Variants in DAZL observed in about 807,000 individuals in gnomAD.
DAZL encodes deleted in azoospermia-like.
A neutral mutation model predicts 45.0 loss-of-function variants in DAZL; 4 were observed. The ratio of observed to expected loss-of-function variants is 0.09; its 90% CI spans 0.04 to 0.20. DAZL has a LOEUF of 0.20. DAZL is among the 10% of genes least tolerant of loss of function. The probability of loss-of-function intolerance (pLI) is 1.00; values close to 1 mark genes in which losing one functional copy is unlikely to be tolerated. For missense variants in DAZL, 326 were observed against 351.3 expected (o/e 0.93, Z 0.58); for synonymous variants, 122 against 112.4 (o/e 1.09, Z -0.54).
intron 10 of DAZL, among the ~76,000 whole-genome samples, chr3:16,591,296 C>T (rs1057382064): frequency 2.0e-5 from 3 of 152,114 alleles, no homozygotes; most frequent in Admixed American, 6.6e-5. Flanking sequence ...ACTTTACCAA[C>T]TCTGTCTGAA....
chr3:16,592,007 A>G, intron 10 of DAZL, 43 bp downstream of exon 10: 2 of 1,579,780 alleles, frequency 1.3e-6, no homozygotes, highest in Non-Finnish European at 1.7e-6. Context: ...CTTTAAAGCT[A>G]ACAAGTGTGC....
chr3:16,601,866 T>C (rs1694694688), intron 1 of DAZL, among the ~76,000 whole-genome samples: 1 of 152,160 alleles, frequency 6.6e-6, no homozygotes, highest in African/African-American at 2.4e-5. Context: ...AGCTAAAAGC[T>C]GGAAAAAATT....
intron 4 of DAZL, among the ~76,000 whole-genome samples, chr3:16,597,277 C>T (rs1049881626): frequency 6.6e-6 from 1 of 152,126 alleles, no homozygotes; most frequent in African/African-American, 2.4e-5. Context: ...TTACCCTGCC[C>T]TGTCTCCAAC....
chr3:16,605,244 G>A lies in DAZL; in HGVS notation c.-39C>T, dbSNP rs200429582. ...AGCAGTTCCCGACCGGCTCCAGGAG[G>A]AGCAGAGGCTGTGCTTGGCGCACCA... On this transcript the variant is annotated 5_prime_UTR_variant, in exon 1 of 11. Transcript: ENST00000399444. 3.1e-6 allele frequency: 5 copies of A among 1,614,014 alleles called. No homozygotes were observed. Among genetic ancestry groups the A allele is most frequent in the African/African-American group, 1.3e-5 (1 of 75,066 alleles).
At chr3:16,596,720 A>G (rs1694605538) in intron 6 of DAZL, 30 bp downstream of exon 6, 1 of 1,611,484 alleles carries the variant, frequency 6.2e-7, no homozygotes, top group African/African-American at 1.3e-5. Flanking sequence ...TACAATAAAC[A>G]AGAGAATAGG....
Position 16,587,453 on chromosome 3 carries a change from T to G in DAZL, c.*1207A>C, listed in dbSNP as rs529440915. On this transcript the variant is annotated 3_prime_UTR_variant, in exon 11 of 11. Transcript: ENST00000399444. ...TGCTCTGCTCATACAGCTACTTTCA[T>G]TCTTTATATCACCAGTTCTAGGAGC... 3 of 152,750 alleles carry G rather than the reference T, an allele frequency of 2.0e-5. No homozygotes were observed. In the East Asian group the frequency reaches 5.8e-4, roughly 29 times the overall value. 9.5% of individuals were successfully genotyped at this position (152,750 alleles called of 1,614,324 possible).
In DAZL at chr3:16,596,873, C is replaced by A. The variant is rs1694608286; in HGVS notation, c.375G>T (p.Gln125His). 6.2e-7 allele frequency: 1 copy of A among 1,613,712 alleles called. No homozygotes were observed. Among genetic ancestry groups the A allele is most frequent in the Admixed American group, 1.7e-5 (1 of 59,986 alleles). Residue 125 changes from glutamine to histidine, a missense_variant, in exon 6 of 11, where the codon CAG becomes CAT. Coordinates refer to ENST00000399444, the MANE Select transcript of DAZL (RefSeq NM_001351.4). ...GATGATTAAAAACCAAAGGACGTGGCTGCACATGATAAGCACCTTTTTGAA... is the reference window on the plus strand; with the variant it reads ...GATGATTAAAAACCAAAGGACGTGGATGCACATGATAAGCACCTTTTTGAA... ...RKQNLCAYHVQPRPLVFNHPP... is the reference protein window; with the variant it reads ...RKQNLCAYHVHPRPLVFNHPP...
rs1694579962 is a variant in DAZL, at chr3:16,595,235, C to A, written c.570+79G>T. 29 of 813,232 alleles carry A rather than the reference C, an allele frequency of 3.6e-5. No individual in the cohort carries two copies. The South Asian group carries it at 5.2e-4, about 15-fold the overall frequency. The allele number at this position is 813,232 out of a possible 1,614,324, so 50.4% of individuals were successfully genotyped here. ...ATTTCACTAGTTTAAAATGACAAAC[C>A]ATTCAGACAATTTGTATAAACAAGT... On this transcript the variant is annotated intron_variant, in intron 7 of 10. Coordinates refer to ENST00000399444, the MANE Select transcript of DAZL (RefSeq NM_001351.4).
chr3:16,594,516 T>A lies in DAZL; in HGVS notation c.621+17A>T, dbSNP rs368393128. The A allele has an allele frequency of 1.9e-6, 3 of 1,569,908 alleles. No homozygotes were observed. The African/African-American group carries it at 4.1e-5, about 21-fold the overall frequency. ...TTTAAAATAACAGGAATTATATGTT[T>A]GGCTAATTCACTTTACCGGAGGTAC... On this transcript the variant is annotated intron_variant, in intron 8 of 10. Coordinates refer to ENST00000399444, the MANE Select transcript of DAZL (RefSeq NM_001351.4).
rs763139712 is a variant in DAZL at position 16,596,812 on chromosome 3, G to A, written c.436C>T (p.Pro146Ser). The A allele has an allele frequency of 1.2e-6, 2 of 1,613,722 alleles. No homozygotes were observed. The highest frequency in any genetic ancestry group is 1.7e-6 in the Non-Finnish European group (2 of 1,179,668). ...GGCTGCATATAAGTTTCAGTGTTTG[G>A]ATTAGTCCAGACATTCTGAAACTGT... ...PPQFQNVWTN[P>S]NTETYMQPTT... Residue 146 changes from proline (P) to serine (S), a missense_variant, in exon 6 of 11, where the codon CCA becomes TCA. Transcript: ENST00000399444.
In DAZL at chr3:16,597,386, AG is replaced by A. The variant is rs1202618717; in HGVS notation, c.294+103del. The A allele has an allele frequency of 1.1e-5, 10 of 881,610 alleles. No individual in the cohort carries two copies. In the African/African-American group the frequency reaches 1.5e-4, roughly 13 times the overall value. The allele number at this position is 881,610 out of a possible 1,614,324, so 54.6% of individuals were successfully genotyped here. On this transcript the variant is annotated intron_variant, in intron 4 of 10. Transcript: ENST00000399444. ...CCTCTAAGTTTGGATTTTTTTGACC[AG>A]AAAGTGTATCGTCTTCCAAATTTTA...
At position 16,593,709 on chromosome 3, in the gene DAZL, T is replaced by C; in HGVS notation, c.681A>G (p.Pro227=). 1 of 1,612,886 alleles carries C rather than the reference T, an allele frequency of 6.2e-7. No individual in the cohort carries two copies. The highest frequency in any genetic ancestry group is 1.3e-5 in the African/African-American group (1 of 75,044). The change falls in exon 9 of 11, where the codon CCA becomes CCG. Residue 227 remains proline (P), a synonymous_variant. Coordinates refer to ENST00000399444, the MANE Select transcript of DAZL (RefSeq NM_001351.4). The stretch of plus-strand genomic sequence containing the variant: ...TAGCTTCATGAACTGAACATTCATT[T>C]GGCACAACTTCAGCTCCTGGATCAA... ...NEVDPGAEVV[P]NECSVHEATP... is the part of the protein sequence containing the mutation.
chr3:16,589,046 G>A (rs1395836343), intron 10 of DAZL, among the ~76,000 whole-genome samples: 2 of 152,100 alleles, frequency 1.3e-5, no homozygotes, highest in East Asian at 1.9e-4. Flanking sequence ...ACAGCTGGTA[G>A]AAAATGTAAT....
chr3:16,592,227 A>T (rs989478290), intron 9 of DAZL, 79 bp from the exon 10 acceptor site: 55 of 1,554,954 alleles, frequency 3.5e-5, no homozygotes, highest in Non-Finnish European at 4.7e-5. Flanking sequence ...TGATAGTTTA[A>T]TGAATATATT....
intron 10 of DAZL, among the ~76,000 whole-genome samples, chr3:16,588,985 A>G (rs1281276588): frequency 2.0e-5 from 3 of 152,286 alleles, no homozygotes; most frequent in Admixed American, 6.5e-5. Context: ...CTTAGACTCA[A>G]TATCATTTTA....
chr3:16,596,700 G>A, intron 6 of DAZL, 50 bp downstream of exon 6: 3 of 1,593,440 alleles, frequency 1.9e-6, no homozygotes, highest in Non-Finnish European at 2.6e-6. Flanking sequence ...TCCACAGAAG[G>A]TACGATGACT....
At chr3:16,599,268 C>T (rs2125047495) in intron 1 of DAZL, among the ~76,000 whole-genome samples, 1 of 151,384 alleles carries the variant, frequency 6.6e-6, no homozygotes, top group Non-Finnish European at 1.5e-5. Context: ...TCATAAACAA[C>T]TTTTCATTTT....
At position 16,588,262 on chromosome 3, in the gene DAZL, C is replaced by CT. The variant is rs1300522972; in HGVS notation, c.*397dup. Reference sequence around the variant, plus strand: ...AAAGCTCAATACTGTAAATACTGTACTGTTCACAGGTACTTGTTGGAGAAG... The same window carrying CT: ...AAAGCTCAATACTGTAAATACTGTACTTGTTCACAGGTACTTGTTGGAGAAG... On this transcript the variant is annotated 3_prime_UTR_variant, in exon 11 of 11. Coordinates refer to ENST00000399444, the MANE Select transcript of DAZL (RefSeq NM_001351.4). The CT allele has an allele frequency of 4.0e-6, 1 of 252,054 alleles. No individual in the cohort carries two copies. The highest frequency in any genetic ancestry group is 7.8e-6 in the Non-Finnish European group (1 of 128,996). The allele number at this position is 252,054 out of a possible 1,614,324, so 15.6% of individuals were successfully genotyped here. A position where few individuals can be genotyped will look rare whatever the true frequency, so the allele number is the denominator to read the frequency against.
chr3:16,590,466 G>A (rs1385610058), intron 10 of DAZL, among the ~76,000 whole-genome samples: 1 of 152,166 alleles, frequency 6.6e-6, no homozygotes, highest in African/African-American at 2.4e-5. Flanking sequence ...AAAGTGTGTA[G>A]CCAGTTTTGA....
Sources: gnomAD v4.1 joint callset for allele counts (sites outside exome capture counted in the v4.1 genomes callset) on GRCh38, gnomAD v4.1.1 for gene constraint, MANE v1.5 for transcripts, NCBI Gene and HGNC (gene_info 2026-07-23, HGNC 2026-07-21) for gene names.